The following PDZRN4 variants were observed in gnomAD, a reference collection of about 807,000 sequenced individuals.
The protein encoded by PDZRN4 is PDZ domain-containing RING finger protein 4.
PDZRN4 carries 70 observed loss-of-function variants against 99.0 expected under a neutral mutation model. The observed-to-expected ratio is 0.71, with a 90% CI of 0.58 to 0.86. PDZRN4 has a LOEUF of 0.86. PDZRN4 is among the 40% of genes least tolerant of loss of function. The pLI is 0.00. For missense variants in PDZRN4, 1,474 were observed against 1,331.2 expected, an observed-to-expected ratio of 1.11 and a Z score of -1.67; for synonymous variants, 551 against 501.6, an observed-to-expected ratio of 1.10 and a Z score of -1.32.
intron 9 of PDZRN4, among the ~76,000 whole-genome samples, chr12:41,571,358 T>C (rs1158272531): frequency 1.0e-5 from 1 of 95,842 alleles, no homozygotes; most frequent in Non-Finnish European, 1.9e-5. Context: ...TCTCTCTCTC[T>C]CTCTCTCTCT....
chr12:41,438,797 G>A (rs186882126), intron 3 of PDZRN4, among the ~76,000 whole-genome samples: 4 of 152,206 alleles, frequency 2.6e-5, no homozygotes, highest in Non-Finnish European at 5.9e-5. Context: ...TGTTTTATTG[G>A]GGGAGGTTCC....
intron 3 of PDZRN4, among the ~76,000 whole-genome samples, chr12:41,355,494 T>C (rs1208233794): frequency 6.6e-6 from 1 of 152,124 alleles, no homozygotes; most frequent in Non-Finnish European, 1.5e-5. Context: ...ATCCTTCAAT[T>C]AGCTCAAGCA....
At chr12:41,261,336 C>T (rs1478828880) in intron 3 of PDZRN4, among the ~76,000 whole-genome samples, 8 of 152,150 alleles carry the variant, frequency 5.3e-5, no homozygotes, top group Admixed American at 1.3e-4. Flanking sequence ...AATGTGTAAG[C>T]CCCATTCCAT....
chr12:41,429,214 T>A (rs1952564815), intron 3 of PDZRN4, among the ~76,000 whole-genome samples: 2 of 152,196 alleles, frequency 1.3e-5, no homozygotes, highest in South Asian at 4.1e-4. Flanking sequence ...TTTACCTGCC[T>A]TAAGTAGCTG....
chr12:41,203,152 G>A (rs1950828258), intron 3 of PDZRN4, among the ~76,000 whole-genome samples: 1 of 151,870 alleles, frequency 6.6e-6, no homozygotes, highest in Admixed American at 6.6e-5. Context: ...AAAAAAACCT[G>A]TTATTGATTG....
At chr12:41,567,677 T>A in intron 8 of PDZRN4, 106 bp from the exon 9 acceptor site, 1 of 476,492 alleles carries the variant, frequency 2.1e-6, no homozygotes. Context: ...CTGAAGAGAA[T>A]CATTATGATA....
chr12:41,205,311 G>C (rs539919693), intron 3 of PDZRN4, among the ~76,000 whole-genome samples: 1 of 151,892 alleles, frequency 6.6e-6, no homozygotes, highest in African/African-American at 2.4e-5. Flanking sequence ...CAGCCAGAGA[G>C]ATCATTTATG....
intron 3 of PDZRN4, among the ~76,000 whole-genome samples, chr12:41,215,411 T>A (rs1224500784): frequency 6.6e-6 from 1 of 152,076 alleles, no homozygotes; most frequent in African/African-American, 2.4e-5. Context: ...TCTAGACTAC[T>A]CAGATCTATA....
intron 3 of PDZRN4, among the ~76,000 whole-genome samples, chr12:41,278,019 C>A (rs543020968): frequency 1.3e-5 from 2 of 152,218 alleles, no homozygotes; most frequent in Non-Finnish European, 2.9e-5. Context: ...ATGCTAATGA[C>A]GCTCTTAGAT....
At chr12:41,368,503 T>G (rs944551778) in intron 3 of PDZRN4, among the ~76,000 whole-genome samples, 56 of 152,086 alleles carry the variant, frequency 3.7e-4, no homozygotes, top group Admixed American at 3.3e-3. Flanking sequence ...AAAGGAATTA[T>G]ATACACGCAC....
chr12:41,472,162 C>A (rs2120571957), intron 3 of PDZRN4, among the ~76,000 whole-genome samples: 1 of 152,252 alleles, frequency 6.6e-6, no homozygotes, highest in Non-Finnish European at 1.5e-5. Flanking sequence ...TGCCACCACA[C>A]CCAGCTAATT....
intron 3 of PDZRN4, among the ~76,000 whole-genome samples, chr12:41,337,558 C>A (rs1169546350): frequency 6.6e-6 from 1 of 152,146 alleles, no homozygotes; most frequent in Admixed American, 6.6e-5. Context: ...GAGAGACAGA[C>A]TGGAGGAGCA....
At chr12:41,255,408 GTTTTGTTTT>G (rs1231748145) in intron 3 of PDZRN4, among the ~76,000 whole-genome samples, 49 of 151,936 alleles carry the variant, frequency 3.2e-4, no homozygotes, top group Middle Eastern at 3.4e-3. Context: ...TTAACAGAAA[GTTTTGTTTT>G]TTTTGTTTTT....
At chr12:41,525,008 T>C (rs1409746308) in intron 5 of PDZRN4, among the ~76,000 whole-genome samples, 1 of 152,166 alleles carries the variant, frequency 6.6e-6, no homozygotes. Flanking sequence ...TTTTTGAAGT[T>C]GAGCTATTAG....
chr12:41,316,601 G>A (rs951116850), intron 3 of PDZRN4, among the ~76,000 whole-genome samples: 3 of 151,574 alleles, frequency 2.0e-5, no homozygotes, highest in Admixed American at 2.0e-4. Flanking sequence ...ATTTCAAGAG[G>A]ATTCCAATAC....
At chr12:41,287,643 G>C (rs147948684) in intron 3 of PDZRN4, among the ~76,000 whole-genome samples, 1 of 152,252 alleles carries the variant, frequency 6.6e-6, no homozygotes, top group East Asian at 1.9e-4. Flanking sequence ...TGTTTTTAGA[G>C]TTAGGCACTT....
At chr12:41,377,537 C>A (rs1017238601) in intron 3 of PDZRN4, among the ~76,000 whole-genome samples, 3 of 152,072 alleles carry the variant, frequency 2.0e-5, no homozygotes, top group Admixed American at 1.3e-4. Context: ...TGGCAGCATG[C>A]ACCTGTAGTC....
At chr12:41,254,225 A>T (rs1951189676) in intron 3 of PDZRN4, among the ~76,000 whole-genome samples, 2 of 152,302 alleles carry the variant, frequency 1.3e-5, no homozygotes, top group East Asian at 3.9e-4. Context: ...TGTCAGAGAG[A>T]TCAGAAGCAG....
At chr12:41,486,793 T>C (rs950967623) in intron 3 of PDZRN4, among the ~76,000 whole-genome samples, 1 of 152,186 alleles carries the variant, frequency 6.6e-6, no homozygotes, top group African/African-American at 2.4e-5. Flanking sequence ...GTCCGATTCC[T>C]GTGAGCTCAT....
Sources: gnomAD v4.1 joint callset for allele counts (sites outside exome capture counted in the v4.1 genomes callset) on GRCh38, gnomAD v4.1.1 for gene constraint, MANE v1.5 for transcripts, NCBI Gene and HGNC (gene_info 2026-07-23, HGNC 2026-07-21) for gene names.